The following SLC25A29 variants were observed in gnomAD, a reference collection of about 807,000 sequenced individuals.
SLC25A29 encodes solute carrier family 25 member 29, also known as mitochondrial basic amino acids transporter.
A neutral mutation model predicts 10.0 loss-of-function variants in SLC25A29; 13 were observed. That is an observed-to-expected ratio of 1.30 (90% confidence interval 0.85 to 2.07). The LOEUF is 2.07. Ranked by LOEUF, SLC25A29 falls within the 30% of genes most tolerant of loss-of-function variation. SLC25A29 has a pLI of 0.00. For missense variants in SLC25A29, 475 were observed against 447.6 expected (o/e 1.06, Z -0.55); for synonymous variants, 244 against 221.1 (o/e 1.10, Z -0.92).
rs1325376618 is a variant in SLC25A29, at chr14:100,306,313, C to G, written c.-81G>C. The G allele has an allele frequency of 4.8e-5, 61 of 1,281,044 alleles. No homozygotes were observed. Among genetic ancestry groups the G allele is most frequent in the Non-Finnish European group, 5.7e-5 (58 of 1,012,712 alleles). 79.4% of individuals were successfully genotyped at this position (1,281,044 alleles called of 1,614,324 possible). A position where few individuals can be genotyped will look rare whatever the true frequency, so the allele number is the denominator to read the frequency against. ...GCCGGGCTGGGCGCCGTCGGGGTCC[C>G]CGAGCGCGCGGTGCCGGGGCTGGGC... On this transcript the variant is annotated 5_prime_UTR_variant, in exon 1 of 4. Coordinates refer to ENST00000359232, the MANE Select transcript of SLC25A29 (RefSeq NM_001039355.3).
At position 100,306,315 on chromosome 14, in the gene SLC25A29, G is replaced by A. The variant is rs1394628969; in HGVS notation, c.-83C>T. On this transcript the variant is annotated 5_prime_UTR_variant, in exon 1 of 4. Transcript: ENST00000359232. ...CGGGCTGGGCGCCGTCGGGGTCCCC[G>A]AGCGCGCGGTGCCGGGGCTGGGCCT... 2.8e-5 allele frequency: 36 copies of A among 1,274,276 alleles called. No homozygotes were observed. The highest frequency in any genetic ancestry group is 3.3e-5 in the Non-Finnish European group (33 of 1,007,388). 78.9% of individuals were successfully genotyped at this position (1,274,276 alleles called of 1,614,324 possible). A position where few individuals can be genotyped will look rare whatever the true frequency, so the allele number is the denominator to read the frequency against.
chr14:100,287,629 C>CT (rs1891570188), downstream of SLC25A29, among the ~76,000 whole-genome samples: 2 of 50,472 alleles, frequency 4.0e-5, no homozygotes, highest in African/African-American at 7.4e-5. Context: ...TGGAGCACCA[C>CT]CCCCCCCCTC....
At position 100,292,473 on chromosome 14, in the gene SLC25A29, G is replaced by C; in HGVS notation, c.722C>G (p.Ala241Gly). 1 of 1,582,146 alleles carries C rather than the reference G, an allele frequency of 6.3e-7. No homozygotes were observed. Among genetic ancestry groups the C allele is most frequent in the East Asian group, 2.3e-5 (1 of 43,252 alleles). ...CCGTGTGAAGACGCGCCAGCCCTCG[G>C]CGCGGTAGCTCTGGTGCACGCAGTC... is the stretch of plus-strand genomic sequence containing the variant. ...ILDCVHQSYRAEGWRVFTRGL... is the reference protein window; with the variant it reads ...ILDCVHQSYRGEGWRVFTRGL... Residue 241 changes from alanine to glycine, a missense_variant, in exon 4 of 4, where the codon GCC becomes GGC. Physicochemically the swap from Ala to Gly is moderately conservative, Grantham distance 60. Transcript: ENST00000359232.
At chr14:100,288,407 GAC>G (rs1243030418), downstream of SLC25A29, among the ~76,000 whole-genome samples, 3 of 40,050 alleles carry the variant, frequency 7.5e-5, no homozygotes, top group East Asian at 2.6e-3. Flanking sequence ...AAAAAAAAAA[GAC>G]AGTTTGGGAA....
At chr14:100,296,877 C>T (rs1033158047) in intron 2 of SLC25A29, among the ~76,000 whole-genome samples, 5 of 152,164 alleles carry the variant, frequency 3.3e-5, no homozygotes, top group Admixed American at 6.5e-5. Context: ...GGATTACAGG[C>T]ATGAGCCACT....
Position 100,292,070 on chromosome 14 carries a change from G to T in SLC25A29, c.*213C>A, listed in dbSNP as rs1167473948. Reference sequence around the variant, plus strand: ...TCTCTGAGCTTCGTGACTCTACAGTGTGGGCATGAGGGTCCTTATTTCATA... The same window carrying T: ...TCTCTGAGCTTCGTGACTCTACAGTTTGGGCATGAGGGTCCTTATTTCATA... On this transcript the variant is annotated 3_prime_UTR_variant, in exon 4 of 4. Coordinates refer to ENST00000359232, the MANE Select transcript of SLC25A29 (RefSeq NM_001039355.3). 3 of 604,136 alleles carry T rather than the reference G, an allele frequency of 5.0e-6. No homozygotes were observed. Among genetic ancestry groups the T allele is most frequent in the Non-Finnish European group, 8.7e-6 (3 of 344,314 alleles). The allele number at this position is 604,136 out of a possible 1,614,324, so 37.4% of individuals were successfully genotyped here.
At chr14:100,293,733 C>T (rs1891946461) in intron 2 of SLC25A29, 1 of 233,052 alleles carries the variant, frequency 4.3e-6, no homozygotes, top group South Asian at 7.2e-5. Flanking sequence ...GCTTGTCATA[C>T]TGCTGAGTGA....
At chr14:100,287,628 A>ACCCCC (rs1171229559), downstream of SLC25A29, among the ~76,000 whole-genome samples, 186 of 62,168 alleles carry the variant, frequency 3.0e-3, 4 homozygotes, top group Non-Finnish European at 3.6e-3. Flanking sequence ...CTGGAGCACC[A>ACCCCC]CCCCCCCCCT....
intron 2 of SLC25A29, among the ~76,000 whole-genome samples, chr14:100,297,029 C>T (rs1367948548): frequency 6.6e-6 from 1 of 152,144 alleles, no homozygotes; most frequent in Non-Finnish European, 1.5e-5. Context: ...ATCACTTGAA[C>T]CCAGGAGGAA....
At chr14:100,287,850 G>A (rs1009117239), downstream of SLC25A29, among the ~76,000 whole-genome samples, 18 of 152,136 alleles carry the variant, frequency 1.2e-4, no homozygotes, top group Non-Finnish European at 2.2e-4. Context: ...GCATTTGGCT[G>A]CAAATGACAG....
At chr14:100,284,962 C>A in the SLC25A29 span, among the ~76,000 whole-genome samples, 5 of 140,210 alleles carry the variant, frequency 3.6e-5, no homozygotes, top group Non-Finnish European at 6.0e-5. Context: ...TCGCTTGGAC[C>A]TGGGAGGTGG....
the SLC25A29 span, among the ~76,000 whole-genome samples, chr14:100,285,016 C>A: frequency 8.4e-5 from 11 of 130,594 alleles, no homozygotes; most frequent in South Asian, 2.4e-4. Flanking sequence ...TCTAGCCTGG[C>A]GACAGAGCGA....
intron 1 of SLC25A29, among the ~76,000 whole-genome samples, chr14:100,302,845 G>C (rs370260054): frequency 5.9e-5 from 9 of 151,918 alleles, no homozygotes; most frequent in Middle Eastern, 3.4e-3. Flanking sequence ...TTTATCTGTG[G>C]ATTTCAAGAA....
chr14:100,305,500 G>A (rs1389482324), intron 1 of SLC25A29: 1 of 151,812 alleles, frequency 6.6e-6, no homozygotes, highest in Non-Finnish European at 1.5e-5. Flanking sequence ...CGACGCCCAC[G>A]GTCGGGGCAT....
chr14:100,289,526 C>A (rs1891614529), downstream of SLC25A29, among the ~76,000 whole-genome samples: 1 of 152,152 alleles, frequency 6.6e-6, no homozygotes, highest in African/African-American at 2.4e-5. Flanking sequence ...TTTAGCACTT[C>A]ATATATCACT....
Position 100,292,247 on chromosome 14 carries a change from G to A in SLC25A29, c.*36C>T. ...GGGCCAATTTATGTCCCAGGTTTCT[G>A]AGAAGGAGCCCTGGGGAAGGAGGGC... On this transcript the variant is annotated 3_prime_UTR_variant, in exon 4 of 4. Coordinates refer to ENST00000359232, the MANE Select transcript of SLC25A29 (RefSeq NM_001039355.3). 3.9e-6 allele frequency: 6 copies of A among 1,530,662 alleles called. No homozygotes were observed. Among genetic ancestry groups the A allele is most frequent in the Non-Finnish European group, 3.5e-6 (4 of 1,140,290 alleles). 94.8% of individuals were successfully genotyped at this position (1,530,662 alleles called of 1,614,324 possible).
intron 1 of SLC25A29, among the ~76,000 whole-genome samples, chr14:100,302,893 A>T (rs1892659426): frequency 6.6e-6 from 1 of 151,714 alleles, no homozygotes; most frequent in Non-Finnish European, 1.5e-5. Context: ...CTTTTTCTTT[A>T]AAGTAACCCT....
chr14:100,288,828 C>A (rs2139642975), downstream of SLC25A29, among the ~76,000 whole-genome samples: 1 of 152,274 alleles, frequency 6.6e-6, no homozygotes, highest in South Asian at 2.1e-4. Flanking sequence ...CAATACAGAG[C>A]CCTGTTGAAG....
At chr14:100,302,017 C>T (rs1892590502) in intron 1 of SLC25A29, among the ~76,000 whole-genome samples, 1 of 151,712 alleles carries the variant, frequency 6.6e-6, no homozygotes, top group Non-Finnish European at 1.5e-5. Flanking sequence ...CTTGGGGTCT[C>T]TACTCATCAA....
Sources: allele counts gnomAD v4.1 joint callset (sites outside exome capture counted in the v4.1 genomes callset), GRCh38; gene constraint gnomAD v4.1.1; transcripts MANE v1.5; gene names NCBI Gene and HGNC (gene_info 2026-07-23, HGNC 2026-07-21).